The following RYR2 variants were observed in gnomAD, a reference collection of about 807,000 sequenced individuals.
RYR2 encodes the protein cardiac muscle ryanodine receptor-calcium release channel.
RYR2 carries 227 observed loss-of-function variants against 601.1 expected under a neutral mutation model. The observed-to-expected ratio is 0.38, with a 90% CI of 0.34 to 0.42. RYR2 has a LOEUF of 0.42. Ranked by LOEUF, RYR2 falls within the 10% of genes least tolerant of loss-of-function variation. The pLI is 1.00. For synonymous variants in RYR2, 2,223 were observed against 2,175.1 expected, an observed-to-expected ratio of 1.02 and a Z score of -0.61; for missense variants, 4,646 against 6,156.5, an observed-to-expected ratio of 0.75 and a Z score of 8.21.
intron 17 of RYR2, among the ~76,000 whole-genome samples, chr1:237,480,908 GC>G (rs1464334645): frequency 1.3e-5 from 2 of 151,680 alleles, no homozygotes; most frequent in African/African-American, 2.4e-5. Context: ...ATTTTGCCAA[GC>G]CGTGTTATAT....
chr1:237,477,193 C>A (rs1661508335), intron 17 of RYR2, among the ~76,000 whole-genome samples: 1 of 152,094 alleles, frequency 6.6e-6, no homozygotes, highest in Non-Finnish European at 1.5e-5. Flanking sequence ...GAGATGGAGA[C>A]CATCCTGGCC....
Position 237,491,910 on chromosome 1 carries a change from G to T in RYR2, c.1813G>T (p.Gly605Ter). ...TATTATCTCACTTTTAGACAAACAT[G>T]GAAGAAATCACAAGGTAAATGAACT... is the stretch of plus-strand genomic sequence containing the variant. ...KSIISLLDKH[G>*]RNHKVLDVLC... The change falls in exon 18 of 105, where the codon GGA becomes TGA. Residue 605 changes from glycine to a stop codon, truncating the protein, a stop_gained. Transcript: ENST00000366574. LOFTEE classifies it high-confidence loss of function. 7.8e-7 allele frequency: 1 copy of T among 1,284,944 alleles called. No homozygotes were observed. Among genetic ancestry groups the T allele is most frequent in the South Asian group, 1.3e-5 (1 of 74,990 alleles). The allele number at this position is 1,284,944 out of a possible 1,614,324, so 79.6% of individuals were successfully genotyped here.
intron 1 of RYR2, among the ~76,000 whole-genome samples, chr1:237,209,120 T>C (rs923863440): frequency 6.7e-6 from 1 of 150,366 alleles, no homozygotes; most frequent in Non-Finnish European, 1.5e-5. Context: ...AATGATTATA[T>C]ATGTGTAACA....
At chr1:237,373,284 T>G (rs6670163) in intron 6 of RYR2, among the ~76,000 whole-genome samples, 35,208 of 152,000 alleles carry the variant, frequency 0.23, 4,167 homozygotes, top group East Asian at 0.4. Context: ...GGGAGCCATT[T>G]CTTTGTAGTT....
intron 24 of RYR2, among the ~76,000 whole-genome samples, chr1:237,526,621 A>G (rs2147906069): frequency 6.6e-6 from 1 of 152,326 alleles, no homozygotes; most frequent in Non-Finnish European, 1.5e-5. Flanking sequence ...TACTGGAATT[A>G]TAGGCATGAA....
intron 43 of RYR2, 52 bp from the exon 44 acceptor site, chr1:237,634,837 T>C: frequency 7.2e-7 from 1 of 1,381,738 alleles, no homozygotes. Context: ...TGTATGGAGT[T>C]TATAGTTACA....
chr1:237,651,186 A>C (rs1164186226), intron 50 of RYR2, among the ~76,000 whole-genome samples: 1 of 152,208 alleles, frequency 6.6e-6, no homozygotes, highest in Non-Finnish European at 1.5e-5. Flanking sequence ...TGTATCAAAG[A>C]AGGGGTGGTC....
At chr1:237,151,949 G>A (rs1321158606) in intron 1 of RYR2, among the ~76,000 whole-genome samples, 2 of 151,972 alleles carry the variant, frequency 1.3e-5, no homozygotes, top group African/African-American at 4.8e-5. Context: ...CCATCAACTC[G>A]TCACCTAGGT....
intron 1 of RYR2, among the ~76,000 whole-genome samples, chr1:237,229,206 G>T (rs1312066768): frequency 6.6e-6 from 1 of 152,102 alleles, no homozygotes; most frequent in African/African-American, 2.4e-5. Flanking sequence ...GATAAACCTG[G>T]AAAAATACTT....
chr1:237,379,169 A>G (rs189702835), intron 8 of RYR2, among the ~76,000 whole-genome samples: 1 of 152,332 alleles, frequency 6.6e-6, no homozygotes, highest in Admixed American at 6.5e-5. Flanking sequence ...TTTAATATAT[A>G]AATTATACAC....
rs1271576303 is a variant in RYR2 at position 237,674,818 on chromosome 1, T to G, written c.8802T>G (p.Asp2934Glu). 1 of 1,610,506 alleles carries G rather than the reference T, an allele frequency of 6.2e-7. No homozygotes were observed. The highest frequency in any genetic ancestry group is 8.5e-7 in the Non-Finnish European group (1 of 1,177,144). ...TCCAACAACTCATTCGCTATGTGGA[T>G]GAAGCCCATCAGTATATCCTGGAGT... Reference protein sequence around the residue: ...SFLQQLIRYVDEAHQYILEFD... With the variant: ...SFLQQLIRYVEEAHQYILEFD... The change falls in exon 60 of 105, where the codon GAT becomes GAG. Residue 2934 changes from aspartate to glutamate, a missense_variant. Asp to Glu is a conservative substitution (Grantham distance 45, BLOSUM62 2). Transcript: ENST00000366574.
intron 89 of RYR2, among the ~76,000 whole-genome samples, chr1:237,782,213 A>C (rs1695183527): frequency 7.0e-6 from 1 of 143,210 alleles, no homozygotes; most frequent in Non-Finnish European, 1.5e-5. Flanking sequence ...AGCAGGCAGG[A>C]AATGTAGCAG....
chr1:237,541,276 G>C (rs942547014), intron 25 of RYR2, among the ~76,000 whole-genome samples: 1 of 152,178 alleles, frequency 6.6e-6, no homozygotes, highest in African/African-American at 2.4e-5. Context: ...CTTGTAGCCA[G>C]AATGCAGCCT....
intron 67 of RYR2, among the ~76,000 whole-genome samples, chr1:237,705,562 G>C (rs1326526987): frequency 6.6e-6 from 1 of 152,118 alleles, no homozygotes; most frequent in Non-Finnish European, 1.5e-5. Context: ...GGTAATTCAA[G>C]AGCAAGGTGA....
intron 1 of RYR2, among the ~76,000 whole-genome samples, chr1:237,219,416 C>T (rs1417112809): frequency 6.6e-6 from 1 of 152,200 alleles, no homozygotes; most frequent in Non-Finnish European, 1.5e-5. Context: ...GACATTATGG[C>T]TCCATTTCTT....
chr1:237,674,288 T>C (rs1390499905), intron 59 of RYR2, 69 bp downstream of exon 59: 2 of 1,236,198 alleles, frequency 1.6e-6, no homozygotes, highest in Non-Finnish European at 2.3e-6. Flanking sequence ...CTCCATCATA[T>C]TTAAAGCTGA....
chr1:237,493,169 G>T, intron 19 of RYR2, 82 bp downstream of exon 19: 1 of 1,499,762 alleles, frequency 6.7e-7, no homozygotes, highest in South Asian at 1.2e-5. Flanking sequence ...ATACTATATG[G>T]TCTGTTTTTT....
At chr1:237,730,128 G>C (rs1343345300) in intron 76 of RYR2, 132 bp from the exon 77 acceptor site, 4 of 589,352 alleles carry the variant, frequency 6.8e-6, no homozygotes, top group African/African-American at 5.6e-5. Context: ...TTCAGGAGGA[G>C]AGTCAAGAAT....
rs576167717 is a variant in RYR2, at chr1:237,511,998, C to T, written c.2822+207C>T. 2.4e-4 allele frequency among the ~76,000 whole-genome samples: 37 copies of T among 152,186 alleles called. No homozygotes were observed. In the South Asian group the frequency reaches 7.7e-3, roughly 32 times the overall value. On this transcript the variant is annotated intron_variant, in intron 24 of 104. Transcript: ENST00000366574. ...CCCTGTTAATTTATGTCCTCTTGTT[C>T]TACATCAGTATTTTGCAAAGGGTGT...
Sources: gnomAD v4.1 joint callset for allele counts (sites outside exome capture counted in the v4.1 genomes callset) on GRCh38, gnomAD v4.1.1 for gene constraint, MANE v1.5 for transcripts, NCBI Gene and HGNC (gene_info 2026-07-23, HGNC 2026-07-21) for gene names.